Variants in CAPS2 observed in about 807,000 individuals in gnomAD.
CAPS2 encodes calcyphosin-2.
A neutral mutation model predicts 86.5 loss-of-function variants in CAPS2; 98 were observed. The ratio of observed to expected loss-of-function variants is 1.13; its 90% CI spans 0.96 to 1.34. The LOEUF is 1.34. Among genes scored for constraint, CAPS2 ranks in the 40% most tolerant of loss-of-function variants. The probability of loss-of-function intolerance (pLI) is 0.00; values close to 1 mark genes in which losing one functional copy is unlikely to be tolerated. For synonymous variants in CAPS2, 210 were observed against 225.1 expected (o/e 0.93, Z 0.60); for missense variants, 729 against 686.8 (o/e 1.06, Z -0.69).
At chr12:75,278,948 A>T in exon 17 of CAPS2, 1 of 1,609,252 alleles carries the variant, frequency 6.2e-7, no homozygotes, top group Admixed American at 1.7e-5. Context: ...TACTATTCCT[A>T]TACTTAAACC....
intron 13 of CAPS2, among the ~76,000 whole-genome samples, chr12:75,291,145 T>C (rs1481838660): frequency 2.0e-5 from 3 of 151,946 alleles, no homozygotes; most frequent in East Asian, 1.9e-4. Flanking sequence ...TGAGAAGTAC[T>C]ATCATCCCTA....
intron 1 of CAPS2, among the ~76,000 whole-genome samples, chr12:75,338,300 A>G (rs1173738463): frequency 1.3e-5 from 2 of 152,282 alleles, no homozygotes; most frequent in East Asian, 1.9e-4. Context: ...AAATTAATCA[A>G]CATAATCAGG....
intron 1 of CAPS2, among the ~76,000 whole-genome samples, chr12:75,339,135 G>C (rs137911958): frequency 6.6e-6 from 1 of 152,302 alleles, no homozygotes; most frequent in East Asian, 1.9e-4. Context: ...GGATTGCTGG[G>C]TCAAATGGTA....
At chr12:75,375,798 T>C (rs1593907035) in intron 1 of CAPS2, among the ~76,000 whole-genome samples, 1 of 152,222 alleles carries the variant, frequency 6.6e-6, no homozygotes, top group East Asian at 1.9e-4. Flanking sequence ...TCCATTATGG[T>C]AATTATGCCC....
At chr12:75,376,810 G>C (rs1380069228) in intron 1 of CAPS2, among the ~76,000 whole-genome samples, 1 of 152,148 alleles carries the variant, frequency 6.6e-6, no homozygotes, top group Non-Finnish European at 1.5e-5. Context: ...CGCATGATAA[G>C]AGCTTTTGTC....
chr12:75,354,166 AG>A (rs35360428), intron 1 of CAPS2, among the ~76,000 whole-genome samples: 48,844 of 122,818 alleles, frequency 0.4, 9,402 homozygotes, highest in East Asian at 0.56. Context: ...GAGAAAAAAA[AG>A]GGGGGGGGGT....
At chr12:75,318,424 G>T (rs1178941104) in intron 5 of CAPS2, among the ~76,000 whole-genome samples, 1 of 152,106 alleles carries the variant, frequency 6.6e-6, no homozygotes, top group Non-Finnish European at 1.5e-5. Flanking sequence ...AAAAGGCAAA[G>T]TCCTCCCTTG....
upstream of CAPS2, among the ~76,000 whole-genome samples, chr12:75,328,789 C>T (rs1424220810): frequency 6.6e-6 from 1 of 152,050 alleles, no homozygotes; most frequent in Admixed American, 6.6e-5. Flanking sequence ...TTTAGAAAGC[C>T]CACAATGTAG....
intron 1 of CAPS2, among the ~76,000 whole-genome samples, chr12:75,340,474 A>T (rs1467911837): frequency 1.3e-5 from 2 of 151,918 alleles, no homozygotes; most frequent in Non-Finnish European, 2.9e-5. Flanking sequence ...AACTATTAGA[A>T]GAAAAACAGG....
chr12:75,298,672 ACACACACCACTTACAACATAAAAAT>A lies in CAPS2; in HGVS notation c.1034_1044+14del, dbSNP rs1427320811. 10 of 1,595,042 alleles carry A rather than the reference ACACACACCACTTACAACATAAAAAT, an allele frequency of 6.3e-6. No individual in the cohort carries two copies. The highest frequency in any genetic ancestry group is 8.6e-6 in the Non-Finnish European group (10 of 1,162,630). On this transcript the variant is annotated splice_donor_variant and splice_donor_5th_base_variant and coding_sequence_variant and intron_variant, in exon 11 of 17. Transcript: ENST00000393284. LOFTEE classifies it high-confidence loss of function. ...CATCTGGTATTAAATGTGTGCACAC[ACACACACCACTTACAACATAAAAAT>A]CACCAAGTCGGTATTGTTTTCCTTT... is the stretch of plus-strand genomic sequence containing the variant.
At chr12:75,328,797 T>C (rs1419513688), upstream of CAPS2, among the ~76,000 whole-genome samples, 1 of 152,188 alleles carries the variant, frequency 6.6e-6, no homozygotes, top group African/African-American at 2.4e-5. Context: ...GCCCACAATG[T>C]AGTAGGAACT....
exon 15 of CAPS2, chr12:75,284,995 T>C: frequency 6.2e-7 from 1 of 1,608,960 alleles, no homozygotes. Flanking sequence ...TTCATTCATT[T>C]CACCAATAAT....
chr12:75,299,888 G>A (rs774744790), exon 9 of CAPS2: 1 of 1,516,902 alleles, frequency 6.6e-7, no homozygotes, highest in East Asian at 2.3e-5. Context: ...CACATTTTCA[G>A]TTAATGTAGA....
chr12:75,390,244 C>G (rs913908278), intron 1 of CAPS2: 18 of 452,046 alleles, frequency 4.0e-5, no homozygotes, highest in Middle Eastern at 6.6e-4. Context: ...TGGAGGTAAA[C>G]AGATCAGACC....
intron 7 of CAPS2, among the ~76,000 whole-genome samples, chr12:75,308,933 G>A (rs1302008813): frequency 1.4e-5 from 2 of 147,908 alleles, no homozygotes; most frequent in Non-Finnish European, 3.0e-5. Flanking sequence ...AGGGGGTAAG[G>A]AGCCCCCATG....
intron 11 of CAPS2, among the ~76,000 whole-genome samples, chr12:75,294,345 T>C (rs2138394003): frequency 6.6e-6 from 1 of 152,324 alleles, no homozygotes; most frequent in South Asian, 2.1e-4. Context: ...TTACAGAATT[T>C]GTAATTGTAA....
At chr12:75,343,809 A>T (rs2042272532) in intron 1 of CAPS2, 1 of 1,613,396 alleles carries the variant, frequency 6.2e-7, no homozygotes, top group Non-Finnish European at 8.5e-7. Flanking sequence ...AATATGTTGG[A>T]GAAAATATCT....
At chr12:75,320,045 T>C (rs2040153006) in intron 5 of CAPS2, among the ~76,000 whole-genome samples, 1 of 152,106 alleles carries the variant, frequency 6.6e-6, no homozygotes, top group Non-Finnish European at 1.5e-5. Context: ...TAAAAACATA[T>C]TAAACTTAAT....
chr12:75,351,065 T>G (rs1389132463), intron 1 of CAPS2, among the ~76,000 whole-genome samples: 2 of 152,140 alleles, frequency 1.3e-5, no homozygotes, highest in Non-Finnish European at 2.9e-5. Flanking sequence ...CAAGTATCAA[T>G]ATCCAAACAG....
Sources: gnomAD v4.1 joint callset for allele counts (sites outside exome capture counted in the v4.1 genomes callset) on GRCh38, gnomAD v4.1.1 for gene constraint, MANE v1.5 for transcripts, NCBI Gene and HGNC (gene_info 2026-07-23, HGNC 2026-07-21) for gene names.